Variants in ERC2 observed in about 807,000 individuals in gnomAD.
ERC2 encodes ERC protein 2.
ERC2 carries 42 observed loss-of-function variants against 114.8 expected under a neutral mutation model. That is an observed-to-expected ratio of 0.37 (90% CI 0.29 to 0.47). The LOEUF (loss-of-function observed/expected upper bound fraction) is 0.47, where lower values mean the gene tolerates loss of function less well. Ranked by LOEUF, ERC2 falls within the 20% of genes least tolerant of loss-of-function variation. The pLI is 0.99. For synonymous variants in ERC2, 454 were observed against 425.5 expected, an observed-to-expected ratio of 1.07 and a Z score of -0.82; for missense variants, 939 against 1,150.7, an observed-to-expected ratio of 0.82 and a Z score of 2.66.
intron 8 of ERC2, among the ~76,000 whole-genome samples, chr3:56,017,226 T>G (rs1156337833): frequency 1.3e-5 from 2 of 152,114 alleles, no homozygotes; most frequent in Admixed American, 1.3e-4. Flanking sequence ...CAGGAAGTGT[T>G]GGAGGAGAGG....
intron 2 of ERC2, among the ~76,000 whole-genome samples, chr3:56,331,344 C>T (rs2057604844): frequency 6.6e-6 from 1 of 152,158 alleles, no homozygotes. Context: ...TAATTTTCCA[C>T]CCATTGACCT....
At chr3:55,513,530 G>GAT (rs1228381240) in intron 17 of ERC2, among the ~76,000 whole-genome samples, 1 of 152,104 alleles carries the variant, frequency 6.6e-6, no homozygotes. Flanking sequence ...TCTCGGATGT[G>GAT]ATATAGAGTG....
intron 14 of ERC2, among the ~76,000 whole-genome samples, chr3:55,741,360 A>G (rs1271702963): frequency 6.6e-6 from 1 of 151,986 alleles, no homozygotes; most frequent in Non-Finnish European, 1.5e-5. Context: ...CTAAAATACC[A>G]CCAGTTCTGA....
At chr3:56,106,471 G>C (rs1017876896) in intron 6 of ERC2, among the ~76,000 whole-genome samples, 1 of 152,204 alleles carries the variant, frequency 6.6e-6, no homozygotes, top group Non-Finnish European at 1.5e-5. Context: ...TGTTGTCCTA[G>C]TGTTGAAGGG....
At chr3:56,215,759 C>G (rs1049022160) in intron 3 of ERC2, among the ~76,000 whole-genome samples, 12 of 152,134 alleles carry the variant, frequency 7.9e-5, no homozygotes, top group Non-Finnish European at 1.8e-4. Flanking sequence ...CACTCCTCAG[C>G]AAGTGTAAAA....
chr3:55,575,715 C>T (rs981491504), intron 17 of ERC2, among the ~76,000 whole-genome samples: 6 of 152,158 alleles, frequency 3.9e-5, no homozygotes, highest in African/African-American at 1.2e-4. Flanking sequence ...CCACTAGTGG[C>T]TCAGCTGAGG....
intron 17 of ERC2, among the ~76,000 whole-genome samples, chr3:55,623,492 G>A (rs567340444): frequency 2.6e-4 from 40 of 152,046 alleles, no homozygotes; most frequent in Middle Eastern, 3.4e-3. Context: ...GGTTCTCTTC[G>A]CCCTCTTGCT....
chr3:56,216,841 G>T (rs1018947862), intron 3 of ERC2, among the ~76,000 whole-genome samples: 1 of 152,082 alleles, frequency 6.6e-6, no homozygotes, highest in Non-Finnish European at 1.5e-5. Context: ...TTCAACAAAC[G>T]CAAATCAATA....
chr3:56,107,935 A>G (rs1341417658), intron 6 of ERC2, among the ~76,000 whole-genome samples: 1 of 152,242 alleles, frequency 6.6e-6, no homozygotes, highest in African/African-American at 2.4e-5. Context: ...AAATCTTACT[A>G]TCCTGTAAAT....
chr3:56,433,515 G>A (rs1226535203), intron 2 of ERC2, among the ~76,000 whole-genome samples: 1 of 152,210 alleles, frequency 6.6e-6, no homozygotes, highest in South Asian at 2.1e-4. Flanking sequence ...GGTACAGAAA[G>A]CACAGATGTG....
chr3:55,918,572 A>G (rs2065234581), intron 13 of ERC2, among the ~76,000 whole-genome samples: 1 of 151,994 alleles, frequency 6.6e-6, no homozygotes, highest in Non-Finnish European at 1.5e-5. Flanking sequence ...GCTTAGACCA[A>G]TAGAATGTGG....
intron 17 of ERC2, among the ~76,000 whole-genome samples, chr3:55,675,645 C>A (rs2148751189): frequency 6.6e-6 from 1 of 152,256 alleles, no homozygotes; most frequent in Admixed American, 6.5e-5. Flanking sequence ...ACGTTGGCCA[C>A]CAATTGGATG....
At chr3:55,588,543 C>G (rs763877338) in intron 17 of ERC2, among the ~76,000 whole-genome samples, 8 of 152,156 alleles carry the variant, frequency 5.3e-5, no homozygotes, top group South Asian at 2.1e-4. Context: ...TGAATCAATT[C>G]CAGAAAAACC....
At chr3:55,958,812 CA>C (rs1163128601) in intron 12 of ERC2, among the ~76,000 whole-genome samples, 1 of 152,212 alleles carries the variant, frequency 6.6e-6, no homozygotes, top group African/African-American at 2.4e-5. Context: ...GGACAGGGAG[CA>C]GGAACAGGCA....
intron 2 of ERC2, among the ~76,000 whole-genome samples, chr3:56,313,454 T>A: frequency 6.6e-6 from 1 of 152,134 alleles, no homozygotes; most frequent in East Asian, 1.9e-4. Flanking sequence ...TTTCCAAGAA[T>A]AACTTATTTA....
intron 2 of ERC2, among the ~76,000 whole-genome samples, chr3:56,297,929 C>T (rs1390568874): frequency 6.6e-6 from 1 of 152,158 alleles, no homozygotes; most frequent in Non-Finnish European, 1.5e-5. Flanking sequence ...TCTGGGTATC[C>T]AATTCATATT....
At chr3:55,719,582 C>T (rs187569503) in intron 15 of ERC2, among the ~76,000 whole-genome samples, 41 of 152,292 alleles carry the variant, frequency 2.7e-4, no homozygotes, top group African/African-American at 9.6e-4. Context: ...ATTTTTCATC[C>T]ATACTTGCCA....
chr3:55,931,570 G>A (rs553038196), intron 13 of ERC2, among the ~76,000 whole-genome samples: 3 of 152,292 alleles, frequency 2.0e-5, no homozygotes, highest in East Asian at 1.9e-4. Flanking sequence ...CATGGACACA[G>A]GGAGGGGAAC....
chr3:56,318,125 A>C (rs556748123), intron 2 of ERC2, among the ~76,000 whole-genome samples: 2 of 152,338 alleles, frequency 1.3e-5, no homozygotes, highest in East Asian at 3.9e-4. Context: ...TGATCAGTAC[A>C]AAAATAGTTG....
Sources: gnomAD v4.1 joint callset for allele counts (sites outside exome capture counted in the v4.1 genomes callset) on GRCh38, gnomAD v4.1.1 for gene constraint, MANE v1.5 for transcripts, NCBI Gene and HGNC (gene_info 2026-07-23, HGNC 2026-07-21) for gene names.